Variants in ACTR3C observed in about 807,000 individuals in gnomAD.
ACTR3C encodes the protein actin-related protein 3C.
Under a neutral mutation model 26.3 loss-of-function variants are expected in ACTR3C, and 18 were observed. The ratio of observed to expected loss-of-function variants is 0.68; its 90% confidence interval spans 0.47 to 1.01. The LOEUF (loss-of-function observed/expected upper bound fraction) is 1.01, where lower values mean the gene tolerates loss of function less well. Ranked by LOEUF, ACTR3C falls within the 50% of genes least tolerant of loss-of-function variation. The probability of loss-of-function intolerance (pLI) is 0.00; values close to 1 mark genes in which losing one functional copy is unlikely to be tolerated. For missense variants in ACTR3C, 184 were observed against 250.7 expected (o/e 0.73, Z 1.80); for synonymous variants, 55 against 94.5 (o/e 0.58, Z 2.42).
the ACTR3C span, among the ~76,000 whole-genome samples, chr7:150,178,861 C>T: frequency 4.0e-5 from 6 of 150,672 alleles, no homozygotes; most frequent in Admixed American, 6.6e-5. Context: ...TCTTTTTATC[C>T]AACTCTTTCT....
chr7:149,980,290 A>G, the ACTR3C span, among the ~76,000 whole-genome samples: 1 of 152,232 alleles, frequency 6.6e-6, no homozygotes, highest in Non-Finnish European at 1.5e-5. Context: ...ATTAAAGACC[A>G]AATACTTTAG....
the ACTR3C span, among the ~76,000 whole-genome samples, chr7:149,908,501 C>T: frequency 6.6e-6 from 1 of 152,094 alleles, no homozygotes; most frequent in Non-Finnish European, 1.5e-5. Context: ...GATGTGAATA[C>T]CCACATTCAC....
At chr7:150,258,472 C>G (rs1038312999) in intron 6 of ACTR3C, among the ~76,000 whole-genome samples, 1 of 151,648 alleles carries the variant, frequency 6.6e-6, no homozygotes, top group African/African-American at 2.4e-5. Context: ...GAGAGTTAGG[C>G]CAAATTAGAA....
chr7:149,968,106 C>T, the ACTR3C span, among the ~76,000 whole-genome samples: 10 of 152,232 alleles, frequency 6.6e-5, no homozygotes, highest in Admixed American at 2.0e-4. Context: ...TAGTTACACT[C>T]CCCAGGGTCA....
intron 1 of ACTR3C, among the ~76,000 whole-genome samples, chr7:150,313,235 A>G (rs1193919064): frequency 6.6e-6 from 1 of 152,168 alleles, no homozygotes; most frequent in Non-Finnish European, 1.5e-5. Flanking sequence ...AAATAGCCTT[A>G]CTGCTCACAC....
the ACTR3C span, among the ~76,000 whole-genome samples, chr7:150,107,399 T>G: frequency 1.8e-3 from 276 of 151,970 alleles, 1 homozygote; most frequent in South Asian, 3.9e-3. Flanking sequence ...GGATCAATCT[T>G]GGTGCTAGAT....
chr7:149,988,124 G>A, the ACTR3C span, among the ~76,000 whole-genome samples: 66,262 of 151,986 alleles, frequency 0.44, 14,461 homozygotes, highest in African/African-American at 0.47. Context: ...CCAGCCCACC[G>A]CACATTGCTG....
At chr7:150,122,738 G>C in the ACTR3C span, among the ~76,000 whole-genome samples, 3 of 152,084 alleles carry the variant, frequency 2.0e-5, no homozygotes, top group African/African-American at 7.2e-5. Context: ...CCACTACTGG[G>C]TATATACCCA....
the ACTR3C span, among the ~76,000 whole-genome samples, chr7:150,233,181 T>C: frequency 6.6e-6 from 1 of 151,580 alleles, no homozygotes; most frequent in African/African-American, 2.4e-5. Flanking sequence ...AGCATTTGTC[T>C]GAGGAAGTCT....
chr7:149,966,884 CAG>C, the ACTR3C span, among the ~76,000 whole-genome samples: 2 of 151,646 alleles, frequency 1.3e-5, no homozygotes, highest in African/African-American at 4.8e-5. Flanking sequence ...TGTGGGGGGA[CAG>C]AGTCTTACTC....
At chr7:150,099,386 C>T in the ACTR3C span, among the ~76,000 whole-genome samples, 1 of 149,080 alleles carries the variant, frequency 6.7e-6, no homozygotes, top group Admixed American at 6.6e-5. Flanking sequence ...GACATTTTCA[C>T]ACCACCATTC....
the ACTR3C span, among the ~76,000 whole-genome samples, chr7:149,971,937 C>A: frequency 6.6e-6 from 1 of 152,250 alleles, no homozygotes; most frequent in Admixed American, 6.5e-5. Context: ...CACACCTCAG[C>A]CCCCTCTGTT....
the ACTR3C span, among the ~76,000 whole-genome samples, chr7:149,967,733 G>A: frequency 2.0e-5 from 3 of 152,186 alleles, no homozygotes; most frequent in African/African-American, 4.8e-5. Context: ...CACAATGAGT[G>A]TATTGCAGGA....
chr7:150,244,286 T>C (rs1273738908), downstream of ACTR3C: 3 of 134,756 alleles, frequency 2.2e-5, no homozygotes, highest in Non-Finnish European at 3.1e-5. Context: ...ATATTCAATA[T>C]AGTCTTAGAA....
chr7:150,011,535 A>T, the ACTR3C span, among the ~76,000 whole-genome samples: 1 of 152,234 alleles, frequency 6.6e-6, no homozygotes, highest in Non-Finnish European at 1.5e-5. Context: ...CAGTGAGCCA[A>T]GATCGCGCCA....
chr7:150,319,078 C>T (rs1045435148), intron 1 of ACTR3C, among the ~76,000 whole-genome samples: 1 of 152,234 alleles, frequency 6.6e-6, no homozygotes, highest in African/African-American at 2.4e-5. Flanking sequence ...CAGTCTATTA[C>T]TGAGCAAGTC....
chr7:150,322,125 G>C (rs896876288), intron 1 of ACTR3C, among the ~76,000 whole-genome samples: 10 of 152,232 alleles, frequency 6.6e-5, no homozygotes, highest in African/African-American at 2.4e-4. Context: ...GAGTGGCAGA[G>C]CACCAGAGTG....
chr7:150,174,165 T>C, the ACTR3C span, among the ~76,000 whole-genome samples: 1 of 138,840 alleles, frequency 7.2e-6, no homozygotes, highest in Non-Finnish European at 1.5e-5. Context: ...ACTGCATTAG[T>C]TTGTTTTCAT....
intron 1 of ACTR3C, among the ~76,000 whole-genome samples, chr7:150,308,269 TC>T (rs1795973010): frequency 1.3e-5 from 2 of 152,132 alleles, no homozygotes; most frequent in South Asian, 4.2e-4. Flanking sequence ...TCCTCCTTCT[TC>T]CGCCTTAGCC....
Sources: gnomAD v4.1 joint callset for allele counts (sites outside exome capture counted in the v4.1 genomes callset) on GRCh38, gnomAD v4.1.1 for gene constraint, MANE v1.5 for transcripts, NCBI Gene and HGNC (gene_info 2026-07-23, HGNC 2026-07-21) for gene names.